RBFOX1: variants seen among roughly 807,000 people sequenced by gnomAD.
The protein encoded by RBFOX1 is RNA binding fox-1 homolog 1.
In RBFOX1, 8 loss-of-function variants were observed where a neutral mutation model predicts 57.7. That is an observed-to-expected ratio of 0.14 (90% CI 0.08 to 0.25). RBFOX1 has a LOEUF of 0.25. Ranked by LOEUF, RBFOX1 falls within the 10% of genes least tolerant of loss-of-function variation. The probability of loss-of-function intolerance (pLI) is 1.00; values close to 1 mark genes in which losing one functional copy is unlikely to be tolerated. For synonymous variants in RBFOX1, 326 were observed against 222.4 expected (o/e 1.47, Z -4.15); for missense variants, 611 against 548.5 (o/e 1.11, Z -1.14).
chr16:7,037,348 TCTC>T (rs1246929421), intron 3 of RBFOX1, among the ~76,000 whole-genome samples: 1 of 150,666 alleles, frequency 6.6e-6, no homozygotes, highest in African/African-American at 2.5e-5. Context: ...TTCAAGAGCT[TCTC>T]CTGCCTCAGC....
At chr16:7,409,768 C>T (rs1458679250) in intron 4 of RBFOX1, among the ~76,000 whole-genome samples, 1 of 145,670 alleles carries the variant, frequency 6.9e-6, no homozygotes, top group Non-Finnish European at 1.6e-5. Flanking sequence ...ATGCTTCATT[C>T]ATTCCTTGCT....
In RBFOX1 at chr16:5,539,706, C is replaced by T. The variant is rs144311665; in HGVS notation, c.259-59196C>T. ...GTGAGAGATTGTAAGAATTTTTTCC[C>T]GTTTTTCATCTCCCTCCCCCACACC... On this transcript the variant is annotated intron_variant, in intron 2 of 2. Coordinates refer to the RBFOX1 transcript ENST00000585867. Among the ~76,000 whole-genome samples the T allele has an allele frequency of 3.4e-3, 520 of 152,218 alleles. 4 individuals are homozygous for T. The highest frequency in any genetic ancestry group is 0.012 in the African/African-American group (500 of 41,544).
chr16:6,619,046 T>G (rs1313833277), intron 2 of RBFOX1, among the ~76,000 whole-genome samples: 1 of 151,582 alleles, frequency 6.6e-6, no homozygotes, highest in Non-Finnish European at 1.5e-5. Flanking sequence ...GGGAGAAGAG[T>G]GGACAGTGGT....
At chr16:5,600,998 T>C (rs1265789110), downstream of RBFOX1, among the ~76,000 whole-genome samples, 4 of 152,194 alleles carry the variant, frequency 2.6e-5, no homozygotes, top group Non-Finnish European at 5.9e-5. Flanking sequence ...CCTGCATCAG[T>C]GGAGTACCAG....
rs542164076 is a variant in RBFOX1, at chr16:7,051,509, A to G, written c.-15-548A>G. Reference sequence around the variant, plus strand: ...TATCAGGATCTCTTTCTGTGATTGAAGGATTGGCTTCACAATTCTCCCCAG... The same window carrying G: ...TATCAGGATCTCTTTCTGTGATTGAGGGATTGGCTTCACAATTCTCCCCAG... On this transcript the variant is annotated intron_variant, in intron 3 of 15. Coordinates refer to ENST00000550418, the MANE Select transcript of RBFOX1 (RefSeq NM_018723.4). Among the ~76,000 whole-genome samples the G allele has an allele frequency of 3.3e-5, 5 of 152,346 alleles. No individual in the cohort carries two copies. In the East Asian group the frequency reaches 5.8e-4, roughly 18 times the overall value.
intron 3 of RBFOX1, among the ~76,000 whole-genome samples, chr16:5,830,817 T>G (rs1009500989): frequency 6.6e-6 from 1 of 152,078 alleles, no homozygotes; most frequent in Admixed American, 6.6e-5. Flanking sequence ...TAGCTCAGGG[T>G]CTTCAGACTG....
intron 1 of RBFOX1, among the ~76,000 whole-genome samples, chr16:6,311,315 AAG>A (rs2080279120): frequency 6.6e-6 from 1 of 150,706 alleles, no homozygotes; most frequent in Non-Finnish European, 1.5e-5. Context: ...AAAAAAAAAA[AAG>A]AATAAAAGAA....
At chr16:6,913,448 C>A (rs1339519684) in intron 3 of RBFOX1, among the ~76,000 whole-genome samples, 1 of 152,140 alleles carries the variant, frequency 6.6e-6, no homozygotes, top group Non-Finnish European at 1.5e-5. Context: ...TATCCCCCAC[C>A]AGACCCTGAG....
chr16:6,342,906 A>G (rs2084786947), intron 2 of RBFOX1, among the ~76,000 whole-genome samples: 1 of 152,130 alleles, frequency 6.6e-6, no homozygotes, highest in Non-Finnish European at 1.5e-5. Flanking sequence ...GAGAAATCTG[A>G]TGAAATCAGG....
intron 4 of RBFOX1, among the ~76,000 whole-genome samples, chr16:5,975,493 T>C (rs2060044217): frequency 6.6e-6 from 1 of 152,234 alleles, no homozygotes. Context: ...ACTTATGGTT[T>C]AGTATTGCTT....
At chr16:5,867,087 A>T (rs939791925) in intron 3 of RBFOX1, among the ~76,000 whole-genome samples, 1 of 151,968 alleles carries the variant, frequency 6.6e-6, no homozygotes, top group African/African-American at 2.4e-5. Context: ...TAATTATCCT[A>T]TTCACCTTAT....
chr16:6,988,851 A>T (rs756435727), intron 3 of RBFOX1, among the ~76,000 whole-genome samples: 1 of 150,972 alleles, frequency 6.6e-6, no homozygotes, highest in Admixed American at 6.7e-5. Context: ...GGCTCACTGC[A>T]TCCTCTCCCT....
intron 1 of RBFOX1, among the ~76,000 whole-genome samples, chr16:5,275,651 A>G (rs1046168268): frequency 8.5e-5 from 13 of 152,206 alleles, no homozygotes; most frequent in African/African-American, 3.1e-4. Context: ...CTATCAAAAT[A>G]CCATCATCAT....
chr16:5,583,317 C>G (rs1251517101), intron 2 of RBFOX1, among the ~76,000 whole-genome samples: 1 of 152,132 alleles, frequency 6.6e-6, no homozygotes, highest in Non-Finnish European at 1.5e-5. Flanking sequence ...CATAGGCAGA[C>G]AACAATGAAA....
intron 3 of RBFOX1, among the ~76,000 whole-genome samples, chr16:5,770,667 C>T (rs944747016): frequency 1.3e-5 from 2 of 152,292 alleles, no homozygotes; most frequent in African/African-American, 2.4e-5. Flanking sequence ...GAATTCTTTC[C>T]TGCACATAGC....
At chr16:7,011,562 G>C (rs1387441721) in intron 3 of RBFOX1, among the ~76,000 whole-genome samples, 1 of 152,178 alleles carries the variant, frequency 6.6e-6, no homozygotes, top group Non-Finnish European at 1.5e-5. Flanking sequence ...CGCACAGGCT[G>C]GAGTGCAGTG....
At chr16:6,813,104 TAAA>T (rs766213977) in intron 3 of RBFOX1, among the ~76,000 whole-genome samples, 2 of 146,726 alleles carry the variant, frequency 1.4e-5, no homozygotes, top group African/African-American at 5.0e-5. Context: ...TCACTCCCAT[TAAA>T]AAAAAAAAGT....
chr16:6,934,965 G>C (rs2077131022), intron 3 of RBFOX1, among the ~76,000 whole-genome samples: 1 of 152,074 alleles, frequency 6.6e-6, no homozygotes. Context: ...GCATTTGCCT[G>C]TGGTTCCAGC....
chr16:6,229,651 A>T (rs1408545527), intron 1 of RBFOX1, among the ~76,000 whole-genome samples: 1 of 152,196 alleles, frequency 6.6e-6, no homozygotes, highest in African/African-American at 2.4e-5. Flanking sequence ...ATATAAATTT[A>T]ATGCAAAATA....
Sources: gnomAD v4.1 joint callset for allele counts (sites outside exome capture counted in the v4.1 genomes callset) on GRCh38, gnomAD v4.1.1 for gene constraint, MANE v1.5 for transcripts, NCBI Gene and HGNC (gene_info 2026-07-23, HGNC 2026-07-21) for gene names.